The following ZNF578 variants were observed in gnomAD, a reference collection of about 807,000 sequenced individuals.
The protein encoded by ZNF578 is zinc finger protein 578, also known as Putative chemokine-related protein B42.
Under a neutral mutation model 8.3 loss-of-function variants are expected in ZNF578, and 8 were observed. The observed-to-expected ratio is 0.96, with a 90% CI of 0.56 to 1.74. ZNF578 has a LOEUF of 1.74. Among genes scored for constraint, ZNF578 ranks in the 40% most tolerant of loss-of-function variants. ZNF578 has a pLI of 0.00. For missense variants in ZNF578, 726 were observed against 707.5 expected (o/e 1.03, Z -0.30); for synonymous variants, 206 against 232.2 (o/e 0.89, Z 1.03).
In ZNF578 at chr19:52,510,800, A is replaced by G; in HGVS notation, c.419A>G (p.Asp140Gly). ...ATCAAAGAGTTGATGGGTAGCACAG[A>G]CCGACATGATCAAAGGCATGCTGGA... ...PKIKELMGST[D>G]RHDQRHAGNK... The change falls in exon 6 of 6, where the codon GAC becomes GGC. Residue 140 changes from aspartate to glycine, a missense_variant. Transcript: ENST00000421239. 6.2e-7 allele frequency: 1 copy of G among 1,614,164 alleles called. No homozygotes were observed. Among genetic ancestry groups the G allele is most frequent in the East Asian group, 2.2e-5 (1 of 44,884 alleles).
intron 5 of ZNF578, among the ~76,000 whole-genome samples, chr19:52,506,025 G>A (rs1410680704): frequency 2.0e-5 from 3 of 151,858 alleles, no homozygotes; most frequent in South Asian, 4.2e-4. Context: ...AGCCTCTTGA[G>A]TGGCTGGGAT....
chr19:52,461,514 A>T (rs2059257845), intron 2 of ZNF578, among the ~76,000 whole-genome samples: 1 of 152,218 alleles, frequency 6.6e-6, no homozygotes, highest in African/African-American at 2.4e-5. Context: ...ATATGAATGT[A>T]AGGAGAGGCT....
Position 52,513,194 on chromosome 19 carries a change from G to A in ZNF578, c.*1040G>A, listed in dbSNP as rs1429676656. ...TGCCACGACGCCTGGCTAATTTTTTGTATTTTTAGTAGGGAAAGGGTTTCT... is the reference window on the plus strand; with the variant it reads ...TGCCACGACGCCTGGCTAATTTTTTATATTTTTAGTAGGGAAAGGGTTTCT... On this transcript the variant is annotated 3_prime_UTR_variant, in exon 6 of 6. Transcript: ENST00000421239. 1.3e-5 allele frequency among the ~76,000 whole-genome samples: 2 copies of A among 151,746 alleles called. No individual in the cohort carries two copies. Among genetic ancestry groups the A allele is most frequent in the African/African-American group, 4.8e-5 (2 of 41,296 alleles).
chr19:52,514,832 T>C lies in ZNF578; in HGVS notation c.*2678T>C, dbSNP rs1374982052. Among the ~76,000 whole-genome samples the C allele has an allele frequency of 1.3e-5, 2 of 152,040 alleles. No homozygotes were observed. Among genetic ancestry groups the C allele is most frequent in the Non-Finnish European group, 2.9e-5 (2 of 68,018 alleles). On this transcript the variant is annotated 3_prime_UTR_variant, in exon 6 of 6. Transcript: ENST00000421239. ...CACCCACCAGCACACCCAGCTAGTT[T>C]TTGTATTTTTAGTAGAGACAGGGTT...
Position 52,514,140 on chromosome 19 carries a change from T to C in ZNF578, c.*1986T>C, listed in dbSNP as rs1157593870. Among the ~76,000 whole-genome samples, 2 of 152,236 alleles carry C rather than the reference T, an allele frequency of 1.3e-5. No homozygotes were observed. Among genetic ancestry groups the C allele is most frequent in the African/African-American group, 4.8e-5 (2 of 41,468 alleles). On this transcript the variant is annotated 3_prime_UTR_variant, in exon 6 of 6. Coordinates refer to ENST00000421239, the MANE Select transcript of ZNF578 (RefSeq NM_001099694.2). Reference sequence around the variant, plus strand: ...AGTTCTCTATTTATTTTTTCTTTTTTGCAGATTGAGTTTGAGATATATCTT... The same window carrying C: ...AGTTCTCTATTTATTTTTTCTTTTTCGCAGATTGAGTTTGAGATATATCTT...
intron 2 of ZNF578, among the ~76,000 whole-genome samples, chr19:52,489,977 C>T (rs1412885866): frequency 6.6e-6 from 1 of 152,182 alleles, no homozygotes; most frequent in Non-Finnish European, 1.5e-5. Flanking sequence ...AATTCTCTCA[C>T]AGACACCATC....
intron 3 of ZNF578, among the ~76,000 whole-genome samples, chr19:52,499,405 C>A (rs2059398585): frequency 6.6e-6 from 1 of 152,176 alleles, no homozygotes; most frequent in Non-Finnish European, 1.5e-5. Flanking sequence ...GCTCTACAAT[C>A]CTGTGTCCAG....
chr19:52,487,960 C>CCT (rs1568461250), intron 2 of ZNF578, among the ~76,000 whole-genome samples: 10 of 67,682 alleles, frequency 1.5e-4, no homozygotes, highest in Admixed American at 1.6e-4. Flanking sequence ...GCCCCCCCCC[C>CCT]TTTTTTTTTT....
intron 2 of ZNF578, among the ~76,000 whole-genome samples, chr19:52,459,715 G>GTGTGTATATA (rs1285862887): frequency 0.082 from 539 of 6,602 alleles, 55 homozygotes; most frequent in African/African-American, 0.16. Context: ...ATGTAGATAT[G>GTGTGTATATA]TGTGTGTGTG....
At chr19:52,500,624 C>T (rs926231634) in intron 3 of ZNF578, among the ~76,000 whole-genome samples, 10 of 152,174 alleles carry the variant, frequency 6.6e-5, no homozygotes, top group Admixed American at 2.0e-4. Flanking sequence ...CCCAAGTGAT[C>T]TGCCTTCCTC....
intron 1 of ZNF578, chr19:52,454,896 A>C (rs950112488): frequency 1.9e-4 from 28 of 149,720 alleles, no homozygotes; most frequent in African/African-American, 6.9e-4. Flanking sequence ...CCAGAAGTAA[A>C]GTATCCTGTG....
At chr19:52,500,221 C>T (rs574706137) in intron 3 of ZNF578, among the ~76,000 whole-genome samples, 2 of 152,136 alleles carry the variant, frequency 1.3e-5, no homozygotes, top group East Asian at 1.9e-4. Context: ...CCAAGGTGGT[C>T]GGCGCAGAGC....
At chr19:52,476,691 C>T (rs2059309387) in intron 2 of ZNF578, among the ~76,000 whole-genome samples, 1 of 152,212 alleles carries the variant, frequency 6.6e-6, no homozygotes, top group Non-Finnish European at 1.5e-5. Context: ...AAGTATATGA[C>T]TGTCCACCCA....
intron 2 of ZNF578, among the ~76,000 whole-genome samples, chr19:52,461,895 T>TCC (rs2059259256): frequency 6.6e-6 from 1 of 152,096 alleles, no homozygotes; most frequent in Non-Finnish European, 1.5e-5. Context: ...GTGGTCCGGC[T>TCC]GTACCAAAAT....
At chr19:52,506,151 C>T (rs540086152) in intron 5 of ZNF578, among the ~76,000 whole-genome samples, 6 of 152,196 alleles carry the variant, frequency 3.9e-5, no homozygotes, top group Admixed American at 1.3e-4. Context: ...TCACTTGCCT[C>T]GGATTCCAAA....
chr19:52,454,286 G>A (rs2059232462), intron 1 of ZNF578: 1 of 152,224 alleles, frequency 6.6e-6, no homozygotes, highest in East Asian at 1.9e-4. Context: ...GTCACCGAAT[G>A]TGTGGGGATT....
intron 2 of ZNF578, among the ~76,000 whole-genome samples, chr19:52,487,577 GGCA>G (rs2059349835): frequency 6.6e-6 from 1 of 152,104 alleles, no homozygotes; most frequent in Non-Finnish European, 1.5e-5. Context: ...GGATGAGGAG[GGCA>G]AGGGGTAGTG....
chr19:52,467,223 T>A (rs1599884135), intron 2 of ZNF578, among the ~76,000 whole-genome samples: 1 of 152,018 alleles, frequency 6.6e-6, no homozygotes, highest in African/African-American at 2.4e-5. Context: ...GTTGGCCAGG[T>A]TGGTCTCGAA....
At chr19:52,499,005 G>A (rs978099579) in intron 3 of ZNF578, among the ~76,000 whole-genome samples, 1 of 152,104 alleles carries the variant, frequency 6.6e-6, no homozygotes, top group African/African-American at 2.4e-5. Context: ...TTCTAGAGGA[G>A]GAAGACCAAG....
Sources: allele counts gnomAD v4.1 joint callset (sites outside exome capture counted in the v4.1 genomes callset), GRCh38; gene constraint gnomAD v4.1.1; transcripts MANE v1.5; gene names NCBI Gene and HGNC (gene_info 2026-07-23, HGNC 2026-07-21).